Variants in FGD6 observed in about 807,000 individuals in gnomAD.
FGD6 encodes the protein FYVE, RhoGEF and PH domain-containing protein 6.
In FGD6, 90 loss-of-function variants were observed where a neutral mutation model predicts 149.4. The observed-to-expected ratio is 0.60, with a 90% CI of 0.51 to 0.72. The LOEUF is 0.72. Ranked by LOEUF, FGD6 falls within the 30% of genes least tolerant of loss-of-function variation. FGD6 has a pLI of 0.00. For missense variants in FGD6, 1,437 were observed against 1,684.8 expected (o/e 0.85, Z 2.57); for synonymous variants, 527 against 584.0 (o/e 0.90, Z 1.41).
At chr12:95,165,955 C>A (rs897193133) in intron 3 of FGD6, among the ~76,000 whole-genome samples, 1 of 146,144 alleles carries the variant, frequency 6.8e-6, no homozygotes, top group African/African-American at 2.5e-5. Flanking sequence ...CTTGTTTTTT[C>A]TTTTTCTGTT....
chr12:95,178,738 T>C (rs1881200571), intron 2 of FGD6, among the ~76,000 whole-genome samples: 1 of 152,158 alleles, frequency 6.6e-6, no homozygotes, highest in Non-Finnish European at 1.5e-5. Flanking sequence ...TATAAACTTT[T>C]TGAGTTAAAT....
intron 14 of FGD6, among the ~76,000 whole-genome samples, chr12:95,100,055 TCCCCC>T (rs33962935): frequency 1.8e-4 from 23 of 129,284 alleles, no homozygotes; most frequent in East Asian, 2.4e-4. Flanking sequence ...ACTTTTCTGA[TCCCCC>T]CCCCCCCCAC....
intron 17 of FGD6, 76 bp downstream of exon 17, chr12:95,091,631 T>C (rs1016666236): frequency 3.4e-6 from 3 of 883,720 alleles, no homozygotes; most frequent in Non-Finnish European, 5.4e-6. Context: ...GTACCGAAGG[T>C]GTTTCTCTCA....
At position 95,101,008 on chromosome 12, in the gene FGD6, G is replaced by T. The variant is rs988069509; in HGVS notation, c.3497+3999C>A. On this transcript the variant is annotated intron_variant, in intron 14 of 20. Coordinates refer to ENST00000343958, the MANE Select transcript of FGD6 (RefSeq NM_018351.4). Reference sequence around the variant, plus strand: ...TATCTCTCTCCAGCTGACAGCGGAAGAGAGGTTGCCACCTTGATTGATAAG... The same window carrying T: ...TATCTCTCTCCAGCTGACAGCGGAATAGAGGTTGCCACCTTGATTGATAAG... 1.5e-5 allele frequency: 5 copies of T among 327,432 alleles called. No individual in the cohort carries two copies. The Admixed American group carries it at 1.7e-4, about 11-fold the overall frequency. The allele number at this position is 327,432 out of a possible 1,614,324, so 20.3% of individuals were successfully genotyped here. A position where few individuals can be genotyped will look rare whatever the true frequency, so the allele number is the denominator to read the frequency against.
At chr12:95,171,928 C>T (rs1214608741) in intron 3 of FGD6, among the ~76,000 whole-genome samples, 1 of 150,284 alleles carries the variant, frequency 6.7e-6, no homozygotes, top group African/African-American at 2.5e-5. Context: ...GTACTATTAA[C>T]AGCCATCTTT....
intron 3 of FGD6, among the ~76,000 whole-genome samples, chr12:95,155,679 G>C (rs77190360): frequency 0.012 from 1,848 of 152,262 alleles, 39 homozygotes; most frequent in African/African-American, 0.042. Flanking sequence ...TCAGTCATTA[G>C]AGTGAATGAA....
In FGD6 at chr12:95,105,334, A is replaced by G. The variant is rs367899627; in HGVS notation, c.3418-248T>C. On this transcript the variant is annotated intron_variant, in intron 13 of 20. Transcript: ENST00000343958. ...TCCACCTGGAATGCCTTTCCCTTAC[A>G]TCTCAGCATGGCCAAATGTGACCTA... 4.6e-5 allele frequency among the ~76,000 whole-genome samples: 7 copies of G among 151,996 alleles called. No individual in the cohort carries two copies. In the South Asian group the frequency reaches 1.5e-3, roughly 32 times the overall value.
chr12:95,107,463 T>C, intron 12 of FGD6, 100 bp downstream of exon 12: 2 of 1,094,350 alleles, frequency 1.8e-6, no homozygotes, highest in Non-Finnish European at 2.7e-6. Flanking sequence ...GTGAGGCTGA[T>C]ATTTGAAGGT....
chr12:95,158,076 G>A (rs547089496), intron 3 of FGD6, among the ~76,000 whole-genome samples: 180 of 151,596 alleles, frequency 1.2e-3, no homozygotes, highest in African/African-American at 4.2e-3. Flanking sequence ...TCGATCTCCT[G>A]ACCTCGTGAT....
Position 95,153,078 on chromosome 12 carries a change from T to C in FGD6, c.2587-85A>G, listed in dbSNP as rs1880357677. 32 of 1,202,832 alleles carry C rather than the reference T, an allele frequency of 2.7e-5. No homozygotes were observed. The South Asian group carries it at 3.7e-4, about 14-fold the overall frequency. The allele number at this position is 1,202,832 out of a possible 1,614,324, so 74.5% of individuals were successfully genotyped here. Reference sequence around the variant, plus strand: ...GCTAGTCAGACACGAATTTTAACTCTGATACTTGTAAGTTTCCTCCTAGCA... The same window carrying C: ...GCTAGTCAGACACGAATTTTAACTCCGATACTTGTAAGTTTCCTCCTAGCA... On this transcript the variant is annotated intron_variant, in intron 3 of 20. Transcript: ENST00000343958.
Position 95,080,696 on chromosome 12 carries a change from A to T in FGD6, c.*824T>A, listed in dbSNP as rs995703932. On this transcript the variant is annotated 3_prime_UTR_variant, in exon 21 of 21. Transcript: ENST00000343958. ...AACTCTTATAATAGCAGGGAATATT[A>T]TGTGACATAATGCTTGCTATATTTT... The T allele has an allele frequency of 1.3e-5, 2 of 152,210 alleles. No individual in the cohort carries two copies. The highest frequency in any genetic ancestry group is 2.4e-5 in the African/African-American group (1 of 41,456). 9.4% of individuals were successfully genotyped at this position (152,210 alleles called of 1,614,324 possible). A position where few individuals can be genotyped will look rare whatever the true frequency, so the allele number is the denominator to read the frequency against.
intron 17 of FGD6, among the ~76,000 whole-genome samples, 153 bp from the exon 18 acceptor site, chr12:95,089,849 G>A (rs1000607581): frequency 4.6e-5 from 7 of 152,168 alleles, no homozygotes; most frequent in African/African-American, 1.7e-4. Flanking sequence ...GGATGGCTGG[G>A]AGTTGAGTGG....
chr12:95,153,831 C>T (rs1344701403), intron 3 of FGD6, among the ~76,000 whole-genome samples: 1 of 152,058 alleles, frequency 6.6e-6, no homozygotes, highest in Non-Finnish European at 1.5e-5. Context: ...GTCACAGGCT[C>T]TCCGAATTTC....
chr12:95,191,116 C>T (rs1881576781), intron 2 of FGD6, among the ~76,000 whole-genome samples: 1 of 152,082 alleles, frequency 6.6e-6, no homozygotes, highest in Admixed American at 6.5e-5. Context: ...CTGAGTAGCA[C>T]ATTTAGATAT....
chr12:95,170,296 G>A (rs1880952810), intron 3 of FGD6, among the ~76,000 whole-genome samples: 1 of 152,080 alleles, frequency 6.6e-6, no homozygotes, highest in Non-Finnish European at 1.5e-5. Context: ...GTAACACTCT[G>A]AAGTTCTTCC....
In FGD6 at chr12:95,097,156, C is replaced by T. The variant is rs372072604; in HGVS notation, c.3498-2462G>A. On this transcript the variant is annotated intron_variant, in intron 14 of 20. Coordinates refer to ENST00000343958, the MANE Select transcript of FGD6 (RefSeq NM_018351.4). ...TTCTCACAGACCACACACATTTGCC[C>T]GCAGCATCCAGTGGAGATATTCTAG... Among the ~76,000 whole-genome samples, 32 of 152,246 alleles carry T rather than the reference C, an allele frequency of 2.1e-4. No homozygotes were observed. In the South Asian group the frequency reaches 5.6e-3, roughly 27 times the overall value.
chr12:95,140,783 C>T (rs1354979270), intron 6 of FGD6, among the ~76,000 whole-genome samples: 1 of 152,148 alleles, frequency 6.6e-6, no homozygotes, highest in African/African-American at 2.4e-5. Context: ...TCTATCTACA[C>T]TGAATCTCAA....
chr12:95,107,624 A>G lies in FGD6; in HGVS notation c.3272T>C (p.Leu1091Pro). ...HEIVQPGRVF[L>P]KEGILMKLSR... ...CAGCTTCATCAGAATTCCTTCTTTG[A>G]GAAAAACCTGATTCACCCAAACAAA... Residue 1091 changes from leucine (L) to proline (P), a missense_variant, in exon 12 of 21, where the codon CTC (leucine) becomes CCC (proline). Transcript: ENST00000343958. 6.2e-7 allele frequency: 1 copy of G among 1,613,990 alleles called. No homozygotes were observed. Among genetic ancestry groups the G allele is most frequent in the Non-Finnish European group, 8.5e-7 (1 of 1,180,016 alleles).
rs368360688 is a variant in FGD6 at position 95,194,921 on chromosome 12, A to G, written c.2441+13922T>C. ...GTTATATCGATAAACATTTCAATTA[A>G]AAACAGTAATAAACCACATTGCAAA... On this transcript the variant is annotated intron_variant, in intron 2 of 20. Transcript: ENST00000343958. 1.4e-4 allele frequency among the ~76,000 whole-genome samples: 21 copies of G among 152,316 alleles called. No individual in the cohort carries two copies. In the East Asian group the frequency reaches 1.5e-3, roughly 11 times the overall value.
Sources: allele counts gnomAD v4.1 joint callset (sites outside exome capture counted in the v4.1 genomes callset), GRCh38; gene constraint gnomAD v4.1.1; transcripts MANE v1.5; gene names NCBI Gene and HGNC (gene_info 2026-07-23, HGNC 2026-07-21).